Variants in ATXN8OS observed in about 807,000 individuals in gnomAD.
ATXN8OS encodes the protein ATXN8 opposite strand (non-protein coding).
chr13:70,167,738 T>TTTC (rs1399258713), intron 4 of ATXN8OS, among the ~76,000 whole-genome samples: 8 of 96,074 alleles, frequency 8.3e-5, no homozygotes, highest in African/African-American at 2.6e-4. Context: ...TTTTTTTTTT[T>TTTC]TTTTTTTTTT....
At chr13:70,144,171 T>A (rs1888751595) in intron 3 of ATXN8OS, among the ~76,000 whole-genome samples, 1 of 152,142 alleles carries the variant, frequency 6.6e-6, no homozygotes, top group African/African-American at 2.4e-5. Flanking sequence ...TCTGTGTGGC[T>A]TTCACATTCT....
chr13:70,107,850 C>A (rs1231133925), exon 1 of ATXN8OS: 5 of 610,554 alleles, frequency 8.2e-6, no homozygotes, highest in Non-Finnish European at 1.3e-5. Context: ...GGGCTGCGCG[C>A]TCTGCCAGGC....
Position 70,129,881 on chromosome 13 carries a change from CAAGGTAAAAACATCAA to C in ATXN8OS, n.499+3_499+18del, listed in dbSNP as rs537285940. ...AGAATGGCTCAGAGTCAAGCGGGAA[CAAGGTAAAAACATCAA>C]AAGGTTGTACTGGTGATAATGGCCA... On this transcript the variant is annotated splice_donor_variant and splice_donor_5th_base_variant and non_coding_transcript_exon_variant and intron_variant, in exon 3 of 5. Transcript: ENST00000678624. 3 of 398,344 alleles carry C rather than the reference CAAGGTAAAAACATCAA, an allele frequency of 7.5e-6. No individual in the cohort carries two copies. In the East Asian group the frequency reaches 1.1e-4, roughly 14 times the overall value. The allele number at this position is 398,344 out of a possible 1,614,324, so 24.7% of individuals were successfully genotyped here.
intron 4 of ATXN8OS, among the ~76,000 whole-genome samples, chr13:70,148,196 A>C (rs1421223192): frequency 6.6e-6 from 1 of 152,184 alleles, no homozygotes; most frequent in Non-Finnish European, 1.5e-5. Context: ...TTTATGGATC[A>C]GGAAAAGACC....
intron 1 of ATXN8OS, among the ~76,000 whole-genome samples, chr13:70,113,565 G>A (rs1005694922): frequency 6.6e-6 from 1 of 152,048 alleles, no homozygotes; most frequent in African/African-American, 2.4e-5. Flanking sequence ...TAATCAGGAT[G>A]ATCAAAATAA....
intron 1 of ATXN8OS, among the ~76,000 whole-genome samples, chr13:70,114,865 A>C (rs1466521118): frequency 2.0e-5 from 3 of 152,136 alleles, no homozygotes; most frequent in Non-Finnish European, 2.9e-5. Flanking sequence ...CTCCTCCATA[A>C]GCCGTACTTT....
chr13:70,138,801 T>C (rs1021651442), intron 3 of ATXN8OS, among the ~76,000 whole-genome samples: 15 of 152,144 alleles, frequency 9.9e-5, no homozygotes, highest in African/African-American at 3.6e-4. Context: ...TTTAAAATAA[T>C]GTAAAAATTC....
chr13:70,131,670 C>A (rs912924124), intron 3 of ATXN8OS: 8 of 395,162 alleles, frequency 2.0e-5, no homozygotes, highest in Admixed American at 1.3e-4. Context: ...CATTCTCTGG[C>A]CAACCCAGAC....
upstream of ATXN8OS, chr13:70,107,614 G>A (rs781658816): frequency 5.0e-6 from 8 of 1,587,674 alleles, no homozygotes; most frequent in Admixed American, 1.1e-4. Context: ...CGGGCCGCCG[G>A]TGGAAGGAGA....
At chr13:70,128,023 T>A (rs1888469796) in intron 2 of ATXN8OS, among the ~76,000 whole-genome samples, 1 of 151,922 alleles carries the variant, frequency 6.6e-6, no homozygotes, top group African/African-American at 2.4e-5. Flanking sequence ...TTTACTATTT[T>A]ATTAAATTAT....
chr13:70,159,875 T>C (rs773280439), intron 4 of ATXN8OS, among the ~76,000 whole-genome samples: 1 of 152,222 alleles, frequency 6.6e-6, no homozygotes, highest in Non-Finnish European at 1.5e-5. Context: ...AATTTATTCA[T>C]TTTTAGTAGT....
At chr13:70,148,315 T>C (rs1888816928) in intron 4 of ATXN8OS, among the ~76,000 whole-genome samples, 1 of 152,192 alleles carries the variant, frequency 6.6e-6, no homozygotes, top group African/African-American at 2.4e-5. Flanking sequence ...GTAAAATACT[T>C]TGATTTCCTT....
chr13:70,165,674 C>A (rs1430224902), intron 4 of ATXN8OS, among the ~76,000 whole-genome samples: 1 of 151,868 alleles, frequency 6.6e-6, no homozygotes, highest in Non-Finnish European at 1.5e-5. Context: ...TAAGGTCTAT[C>A]CATAGCAGCA....
chr13:70,146,326 C>T (rs899175073), intron 3 of ATXN8OS, among the ~76,000 whole-genome samples: 2 of 149,494 alleles, frequency 1.3e-5, no homozygotes, highest in Non-Finnish European at 3.0e-5. Context: ...GGACTGTAAA[C>T]TAGTTCAACC....
intron 3 of ATXN8OS, chr13:70,131,202 A>G: frequency 2.5e-6 from 1 of 396,808 alleles, no homozygotes; most frequent in Non-Finnish European, 4.4e-6. Flanking sequence ...TATATCTGTC[A>G]CAATGTGTAC....
chr13:70,153,878 G>C (rs970054860), intron 4 of ATXN8OS, among the ~76,000 whole-genome samples: 1 of 151,914 alleles, frequency 6.6e-6, no homozygotes, highest in African/African-American at 2.4e-5. Flanking sequence ...GTAGAGACAC[G>C]GTTTTGCCAT....
At chr13:70,167,191 A>C (rs1889085582) in intron 4 of ATXN8OS, among the ~76,000 whole-genome samples, 2 of 152,170 alleles carry the variant, frequency 1.3e-5, no homozygotes, top group African/African-American at 4.8e-5. Context: ...ATTATAAATC[A>C]TGCTGCTATA....
At chr13:70,107,818 C>G (rs1888112504) in exon 1 of ATXN8OS, 2 of 754,182 alleles carry the variant, frequency 2.7e-6, no homozygotes, top group Non-Finnish European at 4.1e-6. Flanking sequence ...CTCTGCACCC[C>G]TAGAGCCAGA....
intron 4 of ATXN8OS, among the ~76,000 whole-genome samples, chr13:70,152,680 C>T (rs562320208): frequency 1.3e-5 from 2 of 152,058 alleles, no homozygotes; most frequent in South Asian, 4.2e-4. Context: ...TTAAGGAAGC[C>T]TCTCACGTCT....
Sources: gnomAD v4.1 joint callset for allele counts (sites outside exome capture counted in the v4.1 genomes callset) on GRCh38, gnomAD v4.1.1 for gene constraint, MANE v1.5 for transcripts, NCBI Gene and HGNC (gene_info 2026-07-23, HGNC 2026-07-21) for gene names.